DCC: variants seen among roughly 807,000 people sequenced by gnomAD.
DCC encodes the protein netrin receptor DCC.
A neutral mutation model predicts 172.5 loss-of-function variants in DCC; 58 were observed. The observed-to-expected ratio is 0.34, with a 90% CI of 0.27 to 0.42. DCC has a LOEUF of 0.42. Among genes scored for constraint, DCC ranks in the 10% least tolerant of loss-of-function variants. The pLI is 1.00. For missense variants in DCC, 1,740 were observed against 1,791.0 expected (o/e 0.97, Z 0.51); for synonymous variants, 709 against 644.5 (o/e 1.10, Z -1.52).
At chr18:53,230,093 G>A (rs1023313914) in intron 12 of DCC, among the ~76,000 whole-genome samples, 1 of 151,994 alleles carries the variant, frequency 6.6e-6, no homozygotes, top group African/African-American at 2.4e-5. Context: ...CTCAGAAAAT[G>A]GTTCCTCCAT....
chr18:52,657,640 G>A (rs969617190), intron 1 of DCC, among the ~76,000 whole-genome samples: 2 of 152,058 alleles, frequency 1.3e-5, no homozygotes, highest in Non-Finnish European at 2.9e-5. Context: ...CAGCTGGGTT[G>A]GTGTACATGG....
chr18:52,579,768 T>C (rs2144774690), intron 1 of DCC, among the ~76,000 whole-genome samples: 1 of 152,290 alleles, frequency 6.6e-6, no homozygotes, highest in Non-Finnish European at 1.5e-5. Flanking sequence ...AAATGCAAAC[T>C]AAAAATCTGG....
intron 18 of DCC, among the ~76,000 whole-genome samples, chr18:53,398,187 A>G (rs1035722092): frequency 1.3e-5 from 2 of 152,120 alleles, no homozygotes; most frequent in South Asian, 4.1e-4. Flanking sequence ...GGTAAACTGC[A>G]CCAATTTTCA....
At chr18:52,681,772 G>A (rs762330132) in intron 1 of DCC, among the ~76,000 whole-genome samples, 4 of 152,058 alleles carry the variant, frequency 2.6e-5, no homozygotes, top group African/African-American at 4.8e-5. Flanking sequence ...TCACTAACAC[G>A]AGCGCAGACA....
chr18:52,764,686 G>A (rs2037215646), intron 2 of DCC, among the ~76,000 whole-genome samples: 1 of 152,202 alleles, frequency 6.6e-6, no homozygotes, highest in Non-Finnish European at 1.5e-5. Flanking sequence ...TTCTTGCACA[G>A]CTTTCAAAAC....
intron 1 of DCC, among the ~76,000 whole-genome samples, chr18:52,474,236 G>GAGAGAGAGAGAA (rs1989029904): frequency 7.5e-6 from 1 of 134,134 alleles, no homozygotes; most frequent in African/African-American, 2.6e-5. Flanking sequence ...GAGAGAGAGA[G>GAGAGAGAGAGAA]AGAGAGAAAG....
At chr18:52,585,404 T>G (rs1458365114) in intron 1 of DCC, among the ~76,000 whole-genome samples, 1 of 152,214 alleles carries the variant, frequency 6.6e-6, no homozygotes, top group African/African-American at 2.4e-5. Context: ...AAGACAGATT[T>G]AGGAGCAAGT....
chr18:52,963,070 G>A (rs959071140), intron 5 of DCC, among the ~76,000 whole-genome samples: 3 of 151,298 alleles, frequency 2.0e-5, no homozygotes, highest in Non-Finnish European at 4.4e-5. Context: ...CCTGCACATC[G>A]TGCACTTGTA....
At chr18:53,277,506 G>A (rs1276563557) in intron 12 of DCC, among the ~76,000 whole-genome samples, 1 of 152,128 alleles carries the variant, frequency 6.6e-6, no homozygotes, top group South Asian at 2.1e-4. Context: ...GGCAAAATTA[G>A]AAGATCTTAT....
intron 21 of DCC, among the ~76,000 whole-genome samples, chr18:53,433,218 C>A (rs535195036): frequency 6.6e-6 from 1 of 152,204 alleles, no homozygotes; most frequent in Admixed American, 6.5e-5. Flanking sequence ...TTTCTTCTAC[C>A]TATTGAAATT....
intron 1 of DCC, among the ~76,000 whole-genome samples, chr18:52,633,474 T>G (rs559596617): frequency 6.6e-6 from 1 of 152,276 alleles, no homozygotes; most frequent in East Asian, 1.9e-4. Context: ...TTGTGTAGCC[T>G]CAGTCAAATC....
intron 15 of DCC, among the ~76,000 whole-genome samples, chr18:53,346,275 AT>A (rs914733302): frequency 2.6e-5 from 4 of 152,082 alleles, no homozygotes; most frequent in Admixed American, 6.6e-5. Context: ...AGGCATAGTC[AT>A]TTTTTACTAT....
rs2040067110 is a variant in DCC, at chr18:52,918,073, T to C, written c.698-5634T>C. 1.3e-5 allele frequency among the ~76,000 whole-genome samples: 2 copies of C among 152,158 alleles called. 1 individual carries two copies. Among genetic ancestry groups the C allele is most frequent in the South Asian group, 4.1e-4 (2 of 4,832 alleles). ...TTTTTCTCTCAGTTTTATTTTAAAA[T>C]ATGCCATAGATACATATAAGTACAT... is the stretch of plus-strand genomic sequence containing the variant. On this transcript the variant is annotated intron_variant, in intron 3 of 28. Coordinates refer to ENST00000442544, the MANE Select transcript of DCC (RefSeq NM_005215.4).
Position 53,207,742 on chromosome 18 carries a change from C to T in DCC, c.1786C>T (p.Leu596Phe). ...CCTGAAAAAATTCACCGAATATAGT[C>T]TTCGATTCTTAGCTTATAATCGCTA... ...EGLKKFTEYS[L>F]RFLAYNRYGP... is the part of the protein sequence containing the mutation. Residue 596 changes from leucine to phenylalanine, a missense_variant, in exon 11 of 29, where the codon CTT (leucine) becomes TTT (phenylalanine). Physicochemically the swap from Leu to Phe is conservative, Grantham distance 22 (BLOSUM62 0). Around this residue, in one of 2 missense-constraint regions of DCC, gnomAD observed 1,732 missense variants for 1,767.4 expected, o/e 0.98. Transcript: ENST00000442544. 6.2e-7 allele frequency: 1 copy of T among 1,612,650 alleles called. No homozygotes were observed. The highest frequency in any genetic ancestry group is 8.5e-7 in the Non-Finnish European group (1 of 1,178,714).
At chr18:52,572,040 T>C (rs1298054499) in intron 1 of DCC, among the ~76,000 whole-genome samples, 2 of 152,194 alleles carry the variant, frequency 1.3e-5, no homozygotes, top group South Asian at 2.1e-4. Flanking sequence ...TGACTGAAGA[T>C]AATAACAATA....
At chr18:52,545,363 C>T (rs1295219733) in intron 1 of DCC, among the ~76,000 whole-genome samples, 1 of 152,182 alleles carries the variant, frequency 6.6e-6, no homozygotes, top group Admixed American at 6.5e-5. Flanking sequence ...GCAGTGATCC[C>T]CAGAAGCTGG....
intron 5 of DCC, among the ~76,000 whole-genome samples, chr18:53,035,018 G>A (rs1006007829): frequency 1.7e-4 from 26 of 151,992 alleles, no homozygotes; most frequent in Middle Eastern, 3.4e-3. Context: ...TGCATCACTT[G>A]TTATCACTTA....
intron 1 of DCC, among the ~76,000 whole-genome samples, chr18:52,427,843 C>CCTTTCTTT (rs775002475): frequency 0.17 from 8,532 of 49,036 alleles, 640 homozygotes; most frequent in East Asian, 0.46. Context: ...TTTCTTCCTT[C>CCTTTCTTT]CTTCCTTCCT....
In DCC at chr18:52,933,929, G is replaced by C. The variant is rs368868009; in HGVS notation, c.985+8559G>C. Among the ~76,000 whole-genome samples, 20 of 152,098 alleles carry C rather than the reference G, an allele frequency of 1.3e-4. No homozygotes were observed. The South Asian group carries it at 3.7e-3, about 28-fold the overall frequency. On this transcript the variant is annotated intron_variant, in intron 5 of 28. Coordinates refer to ENST00000442544, the MANE Select transcript of DCC (RefSeq NM_005215.4). ...GGTGTCCGTTTGAGTGTGAAAAGTA[G>C]AGGAGAGAGATTCCAGAATAATCAG...
Sources: allele counts gnomAD v4.1 joint callset (sites outside exome capture counted in the v4.1 genomes callset), GRCh38; gene constraint gnomAD v4.1.1; regional missense constraint gnomAD v4.1.1; transcripts MANE v1.5; gene names NCBI Gene and HGNC (gene_info 2026-07-23, HGNC 2026-07-21).